ACLY: variants seen among roughly 807,000 people sequenced by gnomAD.
ACLY encodes the protein ATP-citrate synthase.
Under a neutral mutation model 133.0 loss-of-function variants are expected in ACLY, and 41 were observed. The ratio of observed to expected loss-of-function variants is 0.31; its 90% CI spans 0.24 to 0.40. The LOEUF is 0.40. ACLY is among the 10% of genes least tolerant of loss of function. The pLI is 1.00. For synonymous variants in ACLY, 495 were observed against 549.3 expected, an observed-to-expected ratio of 0.90 and a Z score of 1.38; for missense variants, 1,046 against 1,453.8, an observed-to-expected ratio of 0.72 and a Z score of 4.56.
intron 1 of ACLY, among the ~76,000 whole-genome samples, chr17:41,918,635 A>C (rs1324127801): frequency 6.6e-6 from 1 of 152,108 alleles, no homozygotes. Flanking sequence ...GGCAAGCCCC[A>C]TGCAAACTCC....
rs2049039964 is a variant in ACLY at position 41,886,092 on chromosome 17, T to C, written c.2072+20A>G. On this transcript the variant is annotated intron_variant, in intron 18 of 28. Coordinates refer to ENST00000352035, the MANE Select transcript of ACLY (RefSeq NM_001096.3). Reference sequence around the variant, plus strand: ...TGCTCTCAAAGCAGGAAGCCCCTCCTTGGCTTCCCAGCTGATTACCTGTCC... The same window carrying C: ...TGCTCTCAAAGCAGGAAGCCCCTCCCTGGCTTCCCAGCTGATTACCTGTCC... 1 of 1,602,656 alleles carries C rather than the reference T, an allele frequency of 6.2e-7. No individual in the cohort carries two copies. Among genetic ancestry groups the C allele is most frequent in the South Asian group, 1.1e-5 (1 of 90,840 alleles).
intron 10 of ACLY, among the ~76,000 whole-genome samples, chr17:41,902,537 T>C (rs552828739): frequency 1.3e-5 from 2 of 152,344 alleles, no homozygotes; most frequent in East Asian, 1.9e-4. Context: ...GTTCTTACAA[T>C]GGATATCCAC....
At chr17:41,887,548 A>G in intron 17 of ACLY, 51 bp downstream of exon 17, 1 of 1,504,460 alleles carries the variant, frequency 6.6e-7, no homozygotes, top group Non-Finnish European at 9.3e-7. Flanking sequence ...AGGGCATTGA[A>G]CTTCATAAGA....
Position 41,878,945 on chromosome 17 carries a change from G to A in ACLY, c.2266-21C>T, listed in dbSNP as rs371442891. On this transcript the variant is annotated intron_variant, in intron 20 of 28. Transcript: ENST00000352035. ...TGGACCTGGAAAGCAAAGGAAAGTA[G>A]CTTTACTGCTAATCCCCCAAGAGTG... 5.4e-5 allele frequency: 87 copies of A among 1,613,668 alleles called. 1 individual carries two copies. In the African/African-American group the frequency reaches 9.6e-4, roughly 18 times the overall value.
At chr17:41,912,298 C>T (rs2049925877) in intron 3 of ACLY, 122 bp downstream of exon 3, 4 of 1,381,328 alleles carry the variant, frequency 2.9e-6, no homozygotes, top group South Asian at 2.8e-5. Flanking sequence ...CCACAGGACT[C>T]CTGCCTTCCC....
intron 17 of ACLY, 152 bp from the exon 18 acceptor site, chr17:41,886,460 C>T (rs2144278151): frequency 4.1e-6 from 3 of 730,954 alleles, no homozygotes; most frequent in Middle Eastern, 3.6e-4. Context: ...GGGTTTCCTG[C>T]TTAGGAAAGT....
At chr17:41,909,734 G>A (rs782244243) in intron 4 of ACLY, 34 bp from the exon 5 acceptor site, 54 of 1,601,060 alleles carry the variant, frequency 3.4e-5, no homozygotes, top group Non-Finnish European at 4.5e-5. Context: ...GTGGGATTGG[G>A]GTTGTGGGGG....
rs538114274 is a variant in ACLY at position 41,879,057 on chromosome 17, T to A, written c.2266-133A>T. The stretch of plus-strand genomic sequence containing the variant: ...AAGCAAGCTCACTGAATAGGTACAA[T>A]AGATGATTTCCATTTTACAGACAAG... On this transcript the variant is annotated intron_variant, in intron 20 of 28. Transcript: ENST00000352035. 572 of 1,098,570 alleles carry A rather than the reference T, an allele frequency of 5.2e-4. 4 individuals carry two copies. In the African/African-American group the frequency reaches 7.2e-3, roughly 14 times the overall value. The allele number at this position is 1,098,570 out of a possible 1,614,324, so 68.1% of individuals were successfully genotyped here. A position where few individuals can be genotyped will look rare whatever the true frequency, so the allele number is the denominator to read the frequency against.
intron 1 of ACLY, among the ~76,000 whole-genome samples, chr17:41,926,415 G>A (rs1258369272): frequency 6.6e-6 from 1 of 152,174 alleles, no homozygotes; most frequent in Non-Finnish European, 1.5e-5. Flanking sequence ...TACTTCACTA[G>A]GGTGTTGTCA....
chr17:41,885,155 T>C (rs1205194567), intron 18 of ACLY, among the ~76,000 whole-genome samples: 2 of 152,210 alleles, frequency 1.3e-5, no homozygotes, highest in African/African-American at 4.8e-5. Flanking sequence ...GCTGGGATTA[T>C]AGGCATAAGC....
At chr17:41,900,866 G>C (rs527549623) in intron 11 of ACLY, among the ~76,000 whole-genome samples, 1 of 152,112 alleles carries the variant, frequency 6.6e-6, no homozygotes, top group African/African-American at 2.4e-5. Context: ...TACCACTGCA[G>C]GGTATGGGAA....
At chr17:41,907,292 A>T in intron 7 of ACLY, 150 bp downstream of exon 7, 1 of 114,948 alleles carries the variant, frequency 8.7e-6, no homozygotes, top group Non-Finnish European at 1.6e-5. Context: ...CCCCCACCCC[A>T]TTGAGGTTTT....
In ACLY at chr17:41,904,744, C is replaced by T; in HGVS notation, c.1050G>A (p.Val350=). 6.2e-7 allele frequency: 1 copy of T among 1,614,098 alleles called. No homozygotes were observed. Among genetic ancestry groups the T allele is most frequent in the Non-Finnish European group, 8.5e-7 (1 of 1,179,946 alleles). Residue 350 remains valine (V), a synonymous_variant, in exon 10 of 29, where the codon GTG becomes GTA. Coordinates refer to ENST00000352035, the MANE Select transcript of ACLY (RefSeq NM_001096.3). ...CAACTGTTACCTTGAACGTGGCAGC[C>T]ACGTTGGTGAAGTTTGCGATGCTGC... ...IGGSIANFTN[V]AATFKGIVRA... is the part of the protein sequence containing the mutation.
chr17:41,878,164 A>G lies in ACLY; in HGVS notation c.2426T>C (p.Val809Ala). The G allele has an allele frequency of 6.3e-7, 1 of 1,596,070 alleles. No homozygotes were observed. Among genetic ancestry groups the G allele is most frequent in the Non-Finnish European group, 8.5e-7 (1 of 1,171,510 alleles). Reference protein sequence around the residue: ...SVYEDLVANGVIVPAQEVPPP... With the variant: ...SVYEDLVANGAIVPAQEVPPP... ...CGGCACCTCCTGGGCAGGTACAATGACTCCATTGGCCACGAGATCTTCGTA... is the reference window on the plus strand; with the variant it reads ...CGGCACCTCCTGGGCAGGTACAATGGCTCCATTGGCCACGAGATCTTCGTA... The change falls in exon 22 of 29, where the codon GTC becomes GCC. Residue 809 changes from valine to alanine, a missense_variant. By Grantham distance (64) the Val-to-Ala change is moderately conservative. Transcript: ENST00000352035.
In ACLY at chr17:41,906,569, G is replaced by A. The variant is rs782693952; in HGVS notation, c.825C>T (p.Ile275=). 1 of 1,614,216 alleles carries A rather than the reference G, an allele frequency of 6.2e-7. No individual in the cohort carries two copies. Among genetic ancestry groups the A allele is most frequent in the Non-Finnish European group, 8.5e-7 (1 of 1,180,034 alleles). The change falls in exon 8 of 29, where the codon ATC becomes ATT. Residue 275 remains isoleucine (I), a synonymous_variant. Transcript: ENST00000352035. ...CGCCACCCCCGGCCACCATGGTCCA[G>A]ATCCTCCCTTTGGGGTTCAGCAAGG... ...KLTLLNPKGR[I]WTMVAGGGAS... is the part of the protein sequence containing the mutation.
chr17:41,910,359 CA>C, intron 3 of ACLY, 75 bp from the exon 4 acceptor site: 2 of 1,364,888 alleles, frequency 1.5e-6, no homozygotes, highest in East Asian at 2.3e-5. Context: ...AGGGACTGCA[CA>C]GGGGTGGTGC....
At chr17:41,887,423 G>C (rs1371969048) in intron 17 of ACLY, among the ~76,000 whole-genome samples, 176 bp downstream of exon 17, 1 of 152,168 alleles carries the variant, frequency 6.6e-6, no homozygotes, top group East Asian at 1.9e-4. Flanking sequence ...AGGCATTGCA[G>C]TGAGGCTGTG....
At position 41,913,698 on chromosome 17, in the gene ACLY, G is replaced by A. The variant is rs782247944; in HGVS notation, c.159+17C>T. On this transcript the variant is annotated intron_variant, in intron 2 of 28. Coordinates refer to ENST00000352035, the MANE Select transcript of ACLY (RefSeq NM_001096.3). ...CCCGGGCCTGGAAGAAAGGCCCAAA[G>A]TGGAGGCAGGGCTCACCTGGCTGAG... is the stretch of plus-strand genomic sequence containing the variant. 1.9e-6 allele frequency: 3 copies of A among 1,612,390 alleles called. No homozygotes were observed. Among genetic ancestry groups the A allele is most frequent in the African/African-American group, 1.3e-5 (1 of 74,906 alleles).
At chr17:41,874,496 C>T (rs1567884623) in intron 22 of ACLY, among the ~76,000 whole-genome samples, 7 of 151,970 alleles carry the variant, frequency 4.6e-5, no homozygotes. Flanking sequence ...TGGTCTTAAA[C>T]TCTTGTGCTC....
Sources: gnomAD v4.1 joint callset for allele counts (sites outside exome capture counted in the v4.1 genomes callset) on GRCh38, gnomAD v4.1.1 for gene constraint, MANE v1.5 for transcripts, NCBI Gene and HGNC (gene_info 2026-07-23, HGNC 2026-07-21) for gene names.